Variants in ZFAND6 observed in about 807,000 individuals in gnomAD.
The protein encoded by ZFAND6 is zinc finger AN1-type containing 6, also known as AN1-type zinc finger protein 6.
A neutral mutation model predicts 24.5 loss-of-function variants in ZFAND6; 12 were observed. The ratio of observed to expected loss-of-function variants is 0.49; its 90% CI spans 0.31 to 0.79. ZFAND6 has a LOEUF of 0.79. Among genes scored for constraint, ZFAND6 ranks in the 30% least tolerant of loss-of-function variants. ZFAND6 has a pLI of 0.04. For synonymous variants in ZFAND6, 92 were observed against 81.5 expected (o/e 1.13, Z -0.69); for missense variants, 207 against 245.9 (o/e 0.84, Z 1.06).
intron 1 of ZFAND6, among the ~76,000 whole-genome samples, chr15:80,069,188 A>G (rs1477746888): frequency 6.6e-6 from 1 of 152,184 alleles, no homozygotes; most frequent in Admixed American, 6.5e-5. Flanking sequence ...TAGTTTTTCT[A>G]TGTCTAGCAC....
At chr15:80,119,669 A>AT (rs1403562293) in intron 2 of ZFAND6, among the ~76,000 whole-genome samples, 1 of 152,036 alleles carries the variant, frequency 6.6e-6, no homozygotes, top group Non-Finnish European at 1.5e-5. Context: ...CTTATATTTT[A>AT]TTATTCTTTT....
intron 1 of ZFAND6, among the ~76,000 whole-genome samples, chr15:80,070,959 A>T (rs1299098310): frequency 1.3e-5 from 2 of 152,194 alleles, no homozygotes; most frequent in Admixed American, 6.5e-5. Context: ...GTGGGAAGAA[A>T]ACCTGAACTT....
At chr15:80,062,535 TTTCA>T (rs1254892757) in intron 1 of ZFAND6, among the ~76,000 whole-genome samples, 2 of 152,336 alleles carry the variant, frequency 1.3e-5, no homozygotes, top group African/African-American at 4.8e-5. Flanking sequence ...GTGTTTCATG[TTTCA>T]TTCATGTATG....
intron 1 of ZFAND6, among the ~76,000 whole-genome samples, chr15:80,095,765 A>T (rs560173976): frequency 7.4e-4 from 112 of 152,186 alleles, no homozygotes; most frequent in Non-Finnish European, 1.1e-3. Context: ...ACCACGTGAG[A>T]TGAGCCTGCT....
intron 1 of ZFAND6, among the ~76,000 whole-genome samples, chr15:80,078,972 T>C (rs1221825762): frequency 6.6e-6 from 1 of 152,144 alleles, no homozygotes; most frequent in Non-Finnish European, 1.5e-5. Context: ...TGTGCCATGC[T>C]GGTGTGCTGC....
chr15:80,084,384 A>G (rs954039711), intron 1 of ZFAND6, among the ~76,000 whole-genome samples: 6 of 152,226 alleles, frequency 3.9e-5, no homozygotes, highest in African/African-American at 1.4e-4. Context: ...ATATAATGCA[A>G]ATATTCCAAA....
intron 2 of ZFAND6, among the ~76,000 whole-genome samples, chr15:80,110,447 A>T (rs1052864277): frequency 2.0e-5 from 3 of 152,222 alleles, no homozygotes; most frequent in African/African-American, 7.2e-5. Context: ...GATATACAGT[A>T]GTATTAGCAC....
intron 1 of ZFAND6, 38 bp from the exon 2 acceptor site, chr15:80,098,376 TTA>T (rs1434885233): frequency 2.0e-5 from 3 of 152,224 alleles, no homozygotes; most frequent in Non-Finnish European, 2.9e-5. Context: ...TACGTAAATT[TTA>T]TATGTCTCAA....
At chr15:80,118,568 A>T (rs140419231) in intron 2 of ZFAND6, among the ~76,000 whole-genome samples, 1 of 152,252 alleles carries the variant, frequency 6.6e-6, no homozygotes, top group African/African-American at 2.4e-5. Context: ...GTGTGTATGT[A>T]TGTATATATA....
intron 1 of ZFAND6, among the ~76,000 whole-genome samples, chr15:80,077,503 A>G (rs1303841301): frequency 6.6e-6 from 1 of 152,184 alleles, no homozygotes; most frequent in African/African-American, 2.4e-5. Context: ...CTTTTTATTC[A>G]TAGCTTTGAA....
At chr15:80,077,734 C>T (rs1434744136) in intron 1 of ZFAND6, among the ~76,000 whole-genome samples, 5 of 134,248 alleles carry the variant, frequency 3.7e-5, no homozygotes, top group African/African-American at 1.1e-4. Flanking sequence ...GAGTCTCGCT[C>T]TGTCACCCAG....
rs139306593 is a variant in ZFAND6 at position 80,122,312 on chromosome 15, A to G, written c.264-388A>G. On this transcript the variant is annotated intron_variant, in intron 4 of 6. Transcript: ENST00000261749. ...TTTTATTCTGCTTTTAGGAACCAAT[A>G]TATTAAGTTCCTACACTGGGGTTCC... Among the ~76,000 whole-genome samples, 202 of 152,254 alleles carry G rather than the reference A, an allele frequency of 1.3e-3. 3 individuals are homozygous for G. The highest frequency in any genetic ancestry group is 6.8e-3 in the Middle Eastern group (2 of 294).
chr15:80,088,183 T>C (rs2038120043), intron 1 of ZFAND6, among the ~76,000 whole-genome samples: 1 of 152,214 alleles, frequency 6.6e-6, no homozygotes, highest in South Asian at 2.1e-4. Flanking sequence ...ACAAACTTTA[T>C]ACTTTACAAC....
intron 5 of ZFAND6, among the ~76,000 whole-genome samples, chr15:80,127,160 G>A (rs1309287430): frequency 1.3e-5 from 2 of 152,004 alleles, no homozygotes; most frequent in Admixed American, 6.5e-5. Flanking sequence ...AAAATACTTT[G>A]AAATCATATA....
chr15:80,076,794 C>G (rs982670428), intron 1 of ZFAND6, among the ~76,000 whole-genome samples: 11 of 151,936 alleles, frequency 7.2e-5, no homozygotes, highest in Non-Finnish European at 1.5e-5. Flanking sequence ...TTCCTTTTTT[C>G]CCTCACATCA....
chr15:80,099,634 T>TTTTTTTTC (rs1555431664), intron 2 of ZFAND6, among the ~76,000 whole-genome samples: 48 of 148,690 alleles, frequency 3.2e-4, no homozygotes, highest in Middle Eastern at 3.4e-3. Context: ...TTTTTTTTTT[T>TTTTTTTTC]CGAGACGGAG....
At chr15:80,121,494 A>G (rs544964485) in intron 3 of ZFAND6, among the ~76,000 whole-genome samples, 3 of 152,322 alleles carry the variant, frequency 2.0e-5, no homozygotes, top group East Asian at 3.9e-4. Context: ...TTATTAATGT[A>G]TACAATTTGC....
chr15:80,089,992 A>G (rs563956031), intron 1 of ZFAND6, among the ~76,000 whole-genome samples: 16 of 152,280 alleles, frequency 1.1e-4, no homozygotes, highest in African/African-American at 3.9e-4. Flanking sequence ...AAACCAAAAC[A>G]ATCCTTTCCC....
intron 1 of ZFAND6, among the ~76,000 whole-genome samples, chr15:80,063,288 A>G (rs1415088406): frequency 6.6e-6 from 1 of 152,238 alleles, no homozygotes; most frequent in Non-Finnish European, 1.5e-5. Context: ...TGTAATCAGT[A>G]TAAGAAATTG....
Sources: allele counts gnomAD v4.1 joint callset (sites outside exome capture counted in the v4.1 genomes callset), GRCh38; gene constraint gnomAD v4.1.1; transcripts MANE v1.5; gene names NCBI Gene and HGNC (gene_info 2026-07-23, HGNC 2026-07-21).